Variants in ZNF257 observed in about 807,000 individuals in gnomAD.
ZNF257 encodes bone marrow zinc finger 4.
A neutral mutation model predicts 11.9 loss-of-function variants in ZNF257; 12 were observed. The observed-to-expected ratio is 1.01, with a 90% confidence interval of 0.65 to 1.63. ZNF257 has a LOEUF of 1.63. ZNF257 is among the 40% of genes most tolerant of loss of function. The pLI, the probability that ZNF257 is intolerant of heterozygous loss-of-function variation, is 0.00. For synonymous variants in ZNF257, 183 were observed against 222.7 expected, an observed-to-expected ratio of 0.82 and a Z score of 1.59; for missense variants, 580 against 665.5, an observed-to-expected ratio of 0.87 and a Z score of 1.41.
At chr19:22,073,969 G>A (rs62110986) in intron 3 of ZNF257, among the ~76,000 whole-genome samples, 20,082 of 151,954 alleles carry the variant, frequency 0.13, 1,510 homozygotes, top group Middle Eastern at 0.2. Flanking sequence ...AGTGGTTTCT[G>A]TTCCATTGAA....
At chr19:22,087,524 T>C (rs1385135651) in intron 3 of ZNF257, 2 of 1,224,572 alleles carry the variant, frequency 1.6e-6, no homozygotes, top group Non-Finnish European at 2.0e-6. Flanking sequence ...ATACTATTTT[T>C]TTTCAGCATT....
At chr19:22,082,859 G>A (rs979169370) in intron 3 of ZNF257, among the ~76,000 whole-genome samples, 1 of 152,192 alleles carries the variant, frequency 6.6e-6, no homozygotes, top group East Asian at 1.9e-4. Context: ...TTATAATTGT[G>A]TATGACAATA....
rs181688127 is a variant in ZNF257, at chr19:22,062,744, G to C, written c.4-10065G>C. Among the ~76,000 whole-genome samples the C allele has an allele frequency of 1.7e-3, 258 of 152,188 alleles. 1 individual carries two copies. Among genetic ancestry groups the C allele is most frequent in the African/African-American group, 5.8e-3 (242 of 41,528 alleles). On this transcript the variant is annotated intron_variant, in intron 1 of 3. Coordinates refer to ENST00000594947, the MANE Select transcript of ZNF257 (RefSeq NM_033468.4). ...TGAGCTGCCCGCCTTGGCCTCCAAAGAGCTATTACAGGTGTGAGCCTCCAC... is the reference window on the plus strand; with the variant it reads ...TGAGCTGCCCGCCTTGGCCTCCAAACAGCTATTACAGGTGTGAGCCTCCAC...
intron 3 of ZNF257, among the ~76,000 whole-genome samples, chr19:22,081,559 C>G (rs1284727111): frequency 6.6e-6 from 1 of 151,874 alleles, no homozygotes; most frequent in African/African-American, 2.4e-5. Flanking sequence ...GATAGATTCT[C>G]ACTCTGTCAG....
intron 3 of ZNF257, among the ~76,000 whole-genome samples, chr19:22,081,234 A>G (rs1334001485): frequency 6.6e-6 from 1 of 151,948 alleles, no homozygotes; most frequent in Non-Finnish European, 1.5e-5. Context: ...ATCTGTAGGT[A>G]TACGTATATA....
Position 22,089,317 on chromosome 19 carries a change from C to T in ZNF257, c.1567C>T (p.Pro523Ser). The T allele has an allele frequency of 6.2e-7, 1 of 1,613,050 alleles. No individual in the cohort carries two copies. The highest frequency in any genetic ancestry group is 8.5e-7 in the Non-Finnish European group (1 of 1,179,660). Reference protein sequence around the residue: ...KPYKCEECGKPFNRFSYLTVH... With the variant: ...KPYKCEECGKSFNRFSYLTVH... ...CTACAAATGTGAAGAATGTGGCAAG[C>T]CTTTTAATCGTTTCTCATACCTTAC... Residue 523 changes from proline to serine, a missense_variant, in exon 4 of 4, where the codon CCT (proline) becomes TCT (serine). By Grantham distance (74) the Pro-to-Ser change is moderately conservative (BLOSUM62 -1). Transcript: ENST00000594947.
chr19:22,074,699 AT>A (rs2022187315), intron 3 of ZNF257: 1 of 151,330 alleles, frequency 6.6e-6, no homozygotes, highest in Non-Finnish European at 1.5e-5. Context: ...TTTTTTGTCT[AT>A]TTTACCAGAT....
chr19:22,054,769 C>G (rs2021580505), intron 1 of ZNF257, among the ~76,000 whole-genome samples: 1 of 152,034 alleles, frequency 6.6e-6, no homozygotes, highest in South Asian at 2.1e-4. Context: ...GTCAAAGTTT[C>G]CCTTTGGAAG....
At chr19:22,059,881 C>T (rs2021747774) in intron 1 of ZNF257, among the ~76,000 whole-genome samples, 1 of 138,238 alleles carries the variant, frequency 7.2e-6, no homozygotes, top group African/African-American at 3.2e-5. Context: ...TGCCACCACA[C>T]CCACTAATTT....
chr19:22,088,588 A>C lies in ZNF257; in HGVS notation c.838A>C (p.Asn280His), dbSNP rs757408281. 12 of 1,613,418 alleles carry C rather than the reference A, an allele frequency of 7.4e-6. No individual in the cohort carries two copies. Among genetic ancestry groups the C allele is most frequent in the South Asian group, 4.4e-5 (4 of 91,068 alleles). ...SHITQHKRIH[N>H]REKPFKYDEC... is the part of the protein sequence containing the mutation. Reference sequence around the variant, plus strand: ...CATTACTCAACATAAGAGAATTCATAATAGAGAGAAGCCCTTCAAATATGA... The same window carrying C: ...CATTACTCAACATAAGAGAATTCATCATAGAGAGAAGCCCTTCAAATATGA... The change falls in exon 4 of 4, where the codon AAT becomes CAT. Residue 280 changes from asparagine to histidine, a missense_variant. Physicochemically the swap from Asn to His is moderately conservative, Grantham distance 68 (BLOSUM62 1). Transcript: ENST00000594947.
At position 22,088,270 on chromosome 19, in the gene ZNF257, A is replaced by C; in HGVS notation, c.520A>C (p.Lys174Gln). Residue 174 changes from lysine (K) to glutamine (Q), a missense_variant, in exon 4 of 4, where the codon AAA (lysine) becomes CAA (glutamine). Physicochemically the swap from Lys to Gln is moderately conservative, Grantham distance 53 (BLOSUM62 1). Coordinates refer to ENST00000594947, the MANE Select transcript of ZNF257 (RefSeq NM_033468.4). ...AAGACATACTGAAAAGAAAACTTGC[A>C]AATGTAAAGAATGTGGCAAATCATT... ...KIRHTEKKTC[K>Q]CKECGKSFCM... is the part of the protein sequence containing the mutation. 2 of 1,613,576 alleles carry C rather than the reference A, an allele frequency of 1.2e-6. No homozygotes were observed. Among genetic ancestry groups the C allele is most frequent in the Non-Finnish European group, 1.7e-6 (2 of 1,179,744 alleles).
Position 22,088,287 on chromosome 19 carries a change from C to T in ZNF257, c.537C>T (p.Gly179=), listed in dbSNP as rs1364317056. The T allele has an allele frequency of 6.2e-7, 1 of 1,613,416 alleles. No homozygotes were observed. The highest frequency in any genetic ancestry group is 8.5e-7 in the Non-Finnish European group (1 of 1,179,740). Residue 179 remains glycine (G), a synonymous_variant, in exon 4 of 4, where the codon GGC becomes GGT. Transcript: ENST00000594947. ...AAACTTGCAAATGTAAAGAATGTGG[C>T]AAATCATTTTGCATGCTTTCACAAC... is the stretch of plus-strand genomic sequence containing the variant. ...EKKTCKCKEC[G]KSFCMLSQLT...
At chr19:22,086,356 A>G (rs1474686592) in intron 3 of ZNF257, among the ~76,000 whole-genome samples, 1 of 152,062 alleles carries the variant, frequency 6.6e-6, no homozygotes, top group East Asian at 1.9e-4. Context: ...TGTTATTGAT[A>G]TTGCTGATTA....
At chr19:22,056,519 A>G (rs1395775954) in intron 1 of ZNF257, among the ~76,000 whole-genome samples, 2 of 138,586 alleles carry the variant, frequency 1.4e-5, no homozygotes, top group Admixed American at 1.6e-4. Flanking sequence ...CCTCTCACCC[A>G]GGCTGGAGTG....
chr19:22,074,819 T>C (rs1481445459), intron 3 of ZNF257, among the ~76,000 whole-genome samples: 1 of 152,162 alleles, frequency 6.6e-6, no homozygotes, highest in African/African-American at 2.4e-5. Context: ...TATGGTTTTC[T>C]ATAAAAAAGA....
At chr19:22,064,696 A>G (rs1485547050) in intron 1 of ZNF257, among the ~76,000 whole-genome samples, 1 of 152,184 alleles carries the variant, frequency 6.6e-6, no homozygotes, top group Non-Finnish European at 1.5e-5. Context: ...GTTTCCGTTT[A>G]TTACTTCAGA....
intron 3 of ZNF257, chr19:22,087,665 A>G: frequency 3.4e-6 from 3 of 881,266 alleles, no homozygotes; most frequent in East Asian, 3.3e-5. Context: ...TAAGGGCACT[A>G]TGTTATACTG....
At position 22,088,951 on chromosome 19, in the gene ZNF257, A is replaced by G. The variant is rs768499198; in HGVS notation, c.1201A>G (p.Lys401Glu). ...AATTCATACTAGAGAGAAGGCCTAC[A>G]AATGTGATGAATATTGCAAAGCTTT... is the stretch of plus-strand genomic sequence containing the variant. The part of the protein sequence containing the change: ...KRIHTREKAY[K>E]CDEYCKAFNW... Residue 401 changes from lysine to glutamate, a missense_variant, in exon 4 of 4, where the codon AAA becomes GAA. Lys to Glu is a moderately conservative substitution (Grantham distance 56). Transcript: ENST00000594947. 4 of 1,612,460 alleles carry G rather than the reference A, an allele frequency of 2.5e-6. No homozygotes were observed. Among genetic ancestry groups the G allele is most frequent in the Middle Eastern group, 1.7e-4 (1 of 6,054 alleles).
chr19:22,059,488 T>C (rs1050259834), intron 1 of ZNF257, among the ~76,000 whole-genome samples: 7 of 151,982 alleles, frequency 4.6e-5, no homozygotes, highest in Non-Finnish European at 8.8e-5. Flanking sequence ...GGTTTCACCA[T>C]GTTGGCCAGG....
Sources: allele counts gnomAD v4.1 joint callset (sites outside exome capture counted in the v4.1 genomes callset), GRCh38; gene constraint gnomAD v4.1.1; transcripts MANE v1.5; gene names NCBI Gene and HGNC (gene_info 2026-07-23, HGNC 2026-07-21).